The following SV2C variants were observed in gnomAD, a reference collection of about 807,000 sequenced individuals.
The protein encoded by SV2C is synaptic vesicle glycoprotein 2C.
A neutral mutation model predicts 79.7 loss-of-function variants in SV2C; 49 were observed. The observed-to-expected ratio is 0.61, with a 90% confidence interval of 0.49 to 0.78. The LOEUF (loss-of-function observed/expected upper bound fraction) is 0.78, where lower values mean the gene tolerates loss of function less well. SV2C is among the 30% of genes least tolerant of loss of function. The probability of loss-of-function intolerance (pLI) is 0.00; values close to 1 mark genes in which losing one functional copy is unlikely to be tolerated. For missense variants in SV2C, 833 were observed against 912.9 expected, an observed-to-expected ratio of 0.91 and a Z score of 1.13; for synonymous variants, 334 against 333.2, an observed-to-expected ratio of 1.00 and a Z score of -0.03.
At chr5:76,130,962 A>T (rs899927470) in intron 1 of SV2C, among the ~76,000 whole-genome samples, 1 of 152,226 alleles carries the variant, frequency 6.6e-6, no homozygotes, top group African/African-American at 2.4e-5. Flanking sequence ...CAAACAAGCC[A>T]TATGTTCTAA....
chr5:76,077,662 T>C, the SV2C span, among the ~76,000 whole-genome samples: 2 of 152,136 alleles, frequency 1.3e-5, no homozygotes, highest in Non-Finnish European at 2.9e-5. Flanking sequence ...CCAGGACCTG[T>C]CCACATGTCC....
upstream of SV2C, chr5:76,079,094 A>G (rs1746936465): frequency 1.1e-5 from 4 of 371,374 alleles, no homozygotes; most frequent in Non-Finnish European, 1.6e-5. Context: ...GTGGTGTACA[A>G]TGAAGATTCA....
At chr5:76,123,653 A>G (rs1748610598) in intron 1 of SV2C, among the ~76,000 whole-genome samples, 1 of 152,222 alleles carries the variant, frequency 6.6e-6, no homozygotes, top group African/African-American at 2.4e-5. Context: ...TGGATGCAGA[A>G]AAGGCCAAAG....
At chr5:76,276,707 C>T (rs976345883) in intron 4 of SV2C, among the ~76,000 whole-genome samples, 5 of 150,800 alleles carry the variant, frequency 3.3e-5, no homozygotes, top group African/African-American at 1.2e-4. Flanking sequence ...GTATGCACCA[C>T]CACAACTAGC....
the SV2C span, chr5:75,910,417 T>C: frequency 1.7e-6 from 1 of 593,976 alleles, no homozygotes. Context: ...GCAGGGTTTC[T>C]GATACTCTTT....
chr5:75,879,563 G>T, the SV2C span, among the ~76,000 whole-genome samples: 1 of 152,208 alleles, frequency 6.6e-6, no homozygotes, highest in Admixed American at 6.5e-5. Context: ...ACTGGTGCAA[G>T]AGGTGGGCTC....
At chr5:76,259,373 G>A (rs955755695) in intron 4 of SV2C, among the ~76,000 whole-genome samples, 1 of 152,090 alleles carries the variant, frequency 6.6e-6, no homozygotes, top group African/African-American at 2.4e-5. Flanking sequence ...CATCTCACTG[G>A]GGTTTTAATT....
intron 12 of SV2C, among the ~76,000 whole-genome samples, chr5:76,316,702 G>C (rs1397991739): frequency 1.3e-5 from 2 of 152,124 alleles, no homozygotes; most frequent in African/African-American, 4.8e-5. Flanking sequence ...GGAGATGTGA[G>C]AGTACGGGGA....
intron 1 of SV2C, among the ~76,000 whole-genome samples, chr5:76,122,289 C>T (rs1271175871): frequency 6.6e-6 from 1 of 151,522 alleles, no homozygotes; most frequent in African/African-American, 2.4e-5. Flanking sequence ...ATGGGGTTTT[C>T]TAGATATACA....
the SV2C span, among the ~76,000 whole-genome samples, chr5:75,902,087 T>A: frequency 6.6e-6 from 1 of 151,386 alleles, no homozygotes; most frequent in Non-Finnish European, 1.5e-5. Context: ...CATGGTGTGC[T>A]GCACCCACTG....
the SV2C span, among the ~76,000 whole-genome samples, chr5:76,032,805 C>T: frequency 6.6e-6 from 1 of 152,104 alleles, no homozygotes. Context: ...TAGCTCTAGA[C>T]CCCGGAAAAT....
At chr5:75,921,004 C>A in the SV2C span, 1 of 708,330 alleles carries the variant, frequency 1.4e-6, no homozygotes, top group Non-Finnish European at 2.6e-6. Context: ...CGTGCGAGTC[C>A]TCGCGGTAGT....
chr5:76,227,065 G>C (rs1183569991), intron 4 of SV2C, among the ~76,000 whole-genome samples: 1 of 152,170 alleles, frequency 6.6e-6, no homozygotes, highest in African/African-American at 2.4e-5. Context: ...TTCCGGGAGG[G>C]ATGGAAAGAC....
chr5:76,084,326 G>A (rs1747099823), intron 1 of SV2C: 1 of 152,294 alleles, frequency 6.6e-6, no homozygotes, highest in South Asian at 2.1e-4. Context: ...AATCTTAGAT[G>A]GCGATGAGGG....
At chr5:76,321,633 C>G (rs923425059) in intron 12 of SV2C, among the ~76,000 whole-genome samples, 1 of 151,498 alleles carries the variant, frequency 6.6e-6, no homozygotes, top group Non-Finnish European at 1.5e-5. Flanking sequence ...CCCAACTGTT[C>G]AGGAGGCTGA....
At chr5:75,867,594 A>AT in the SV2C span, among the ~76,000 whole-genome samples, 1 of 152,176 alleles carries the variant, frequency 6.6e-6, no homozygotes, top group Non-Finnish European at 1.5e-5. Flanking sequence ...ATAAAGTTAC[A>AT]TTTTTTATAT....
At chr5:76,281,035 T>C in intron 4 of SV2C, 1 of 541,012 alleles carries the variant, frequency 1.8e-6, no homozygotes, top group Non-Finnish European at 3.8e-6. Context: ...GCCCAAGTTC[T>C]AAATCAGTCG....
chr5:76,149,155 A>G (rs1749525519), intron 2 of SV2C, among the ~76,000 whole-genome samples: 1 of 152,260 alleles, frequency 6.6e-6, no homozygotes, highest in African/African-American at 2.4e-5. Flanking sequence ...GCATGGTCAT[A>G]TCAGTCATAT....
At chr5:76,082,697 AGCCCAGCTGTCTG>A (rs1747035886), upstream of SV2C, among the ~76,000 whole-genome samples, 1 of 139,794 alleles carries the variant, frequency 7.2e-6, no homozygotes, top group African/African-American at 2.7e-5. Flanking sequence ...TCTGCCTGTG[AGCCCAGCTGTCTG>A]GCCCTATGTA....
Sources: gnomAD v4.1 joint callset for allele counts (sites outside exome capture counted in the v4.1 genomes callset) on GRCh38, gnomAD v4.1.1 for gene constraint, MANE v1.5 for transcripts, NCBI Gene and HGNC (gene_info 2026-07-23, HGNC 2026-07-21) for gene names.